The following KMT2B variants were observed in gnomAD, a reference collection of about 807,000 sequenced individuals.
The protein encoded by KMT2B is histone-lysine N-methyltransferase 2B.
Under a neutral mutation model 255.3 loss-of-function variants are expected in KMT2B, and 22 were observed. The observed-to-expected ratio is 0.09, with a 90% CI of 0.06 to 0.12. KMT2B has a LOEUF of 0.12. Among genes scored for constraint, KMT2B ranks in the 10% least tolerant of loss-of-function variants. The pLI is 1.00. For synonymous variants in KMT2B, 1,730 were observed against 1,498.1 expected, an observed-to-expected ratio of 1.15 and a Z score of -3.57; for missense variants, 3,149 against 3,737.0, an observed-to-expected ratio of 0.84 and a Z score of 4.10.
chr19:35,724,620 C>G lies in KMT2B; in HGVS notation c.3335-17C>G. 1 of 1,575,542 alleles carries G rather than the reference C, an allele frequency of 6.3e-7. No individual in the cohort carries two copies. Among genetic ancestry groups the G allele is most frequent in the African/African-American group, 1.4e-5 (1 of 73,952 alleles). On this transcript the variant is annotated splice_polypyrimidine_tract_variant and intron_variant, in intron 8 of 36. Coordinates refer to ENST00000420124, the MANE Select transcript of KMT2B (RefSeq NM_014727.3). ...GTGGAAGGGGAGTGACCTCACTGCTCATTGTGTCCTGCCTAGAGCTGCCAC... is the reference window on the plus strand; with the variant it reads ...GTGGAAGGGGAGTGACCTCACTGCTGATTGTGTCCTGCCTAGAGCTGCCAC...
In KMT2B at chr19:35,721,821, G is replaced by T; in HGVS notation, c.2457+17G>T. 6.5e-7 allele frequency: 1 copy of T among 1,545,664 alleles called. No homozygotes were observed. Among genetic ancestry groups the T allele is most frequent in the Non-Finnish European group, 8.7e-7 (1 of 1,146,864 alleles). On this transcript the variant is annotated intron_variant, in intron 3 of 36. Transcript: ENST00000420124. Reference sequence around the variant, plus strand: ...TCCATGCCGGTGAGTGTGGTCCCTGGGCCCAGCGGCACACCCAGCCATCCA... The same window carrying T: ...TCCATGCCGGTGAGTGTGGTCCCTGTGCCCAGCGGCACACCCAGCCATCCA...
Position 35,720,601 on chromosome 19 carries a change from A to G in KMT2B, c.1254A>G (p.Pro418=). 2.7e-6 allele frequency: 1 copy of G among 372,074 alleles called. No individual in the cohort carries two copies. 23.0% of individuals were successfully genotyped at this position (372,074 alleles called of 1,614,324 possible). A position where few individuals can be genotyped will look rare whatever the true frequency, so the allele number is the denominator to read the frequency against. The change falls in exon 3 of 37, where the codon CCA becomes CCG. Residue 418 remains proline, a synonymous_variant. Coordinates refer to ENST00000420124, the MANE Select transcript of KMT2B (RefSeq NM_014727.3). ...PPAPSPPPPL[P]PPSTSPPPPL... ...CCCCTTCACCTCCTCCACCCCTCCC[A>G]CCCCCTTCGACATCTCCTCCACCCC... is the stretch of plus-strand genomic sequence containing the variant.
intron 14 of KMT2B, among the ~76,000 whole-genome samples, chr19:35,726,563 G>T (rs1264669979): frequency 6.6e-6 from 1 of 152,132 alleles, no homozygotes; most frequent in Admixed American, 6.5e-5. Flanking sequence ...GGAGTGGAAG[G>T]CCTGGGACCC....
intron 30 of KMT2B, chr19:35,735,878 G>T (rs969888394): frequency 6.6e-6 from 1 of 152,140 alleles, no homozygotes; most frequent in South Asian, 2.1e-4. Context: ...AGCATATCCC[G>T]TCTGCCCTGT....
rs1969166434 is a variant in KMT2B, at chr19:35,720,863, C to T, written c.1516C>T (p.Pro506Ser). 3.8e-6 allele frequency: 6 copies of T among 1,585,198 alleles called. No homozygotes were observed. The highest frequency in any genetic ancestry group is 4.3e-6 in the Non-Finnish European group (5 of 1,166,138). Residue 506 changes from proline to serine, a missense_variant, in exon 3 of 37, where the codon CCT becomes TCT. By Grantham distance (74) the Pro-to-Ser change is moderately conservative. Transcript: ENST00000420124. Reference sequence around the variant, plus strand: ...AACCCCCAGCACCGCCACGGGAGGCCCTCCGGAAGACAGTCCCACCGTGGC... The same window carrying T: ...AACCCCCAGCACCGCCACGGGAGGCTCTCCGGAAGACAGTCCCACCGTGGC... ...TPTPSTATGG[P>S]PEDSPTVAPK...
rs1302383085 is a variant in KMT2B at position 35,724,587 on chromosome 19, A to G, written c.3335-50A>G. On this transcript the variant is annotated intron_variant, in intron 8 of 36. Coordinates refer to ENST00000420124, the MANE Select transcript of KMT2B (RefSeq NM_014727.3). The stretch of plus-strand genomic sequence containing the variant: ...AGGTAACATTTGGGGTTGTAGAAGA[A>G]GAGGGGCGTGGAAGGGGAGTGACCT... 2.1e-6 allele frequency: 3 copies of G among 1,442,526 alleles called. No individual in the cohort carries two copies. In the Admixed American group the frequency reaches 5.9e-5, roughly 28 times the overall value. The allele number at this position is 1,442,526 out of a possible 1,614,324, so 89.4% of individuals were successfully genotyped here. A position where few individuals can be genotyped will look rare whatever the true frequency, so the allele number is the denominator to read the frequency against.
Position 35,718,048 on chromosome 19 carries a change from C to T in KMT2B, c.30C>T (p.Cys10=), listed in dbSNP as rs1330796546. The stretch of plus-strand genomic sequence containing the variant: ...CGGCGGCGGCGGGCGGCGGCAGTTG[C>T]CCCGGGCCTGGCTCCGCGCGGGGCC... MAAAAGGGS[C]PGPGSARGRF... is the part of the protein sequence containing the mutation. Residue 10 remains cysteine, a synonymous_variant, in exon 1 of 37, where the codon TGC becomes TGT. Transcript: ENST00000420124. The surrounding 1 kb of genome is among the most constrained non-coding windows in gnomAD (Gnocchi z 5.0). 4.1e-6 allele frequency: 4 copies of T among 986,182 alleles called. No homozygotes were observed. The highest frequency in any genetic ancestry group is 6.3e-5 in the Admixed American group (1 of 15,968). The allele number at this position is 986,182 out of a possible 1,614,324, so 61.1% of individuals were successfully genotyped here.
At chr19:35,734,751 T>C (rs763649127) in intron 30 of KMT2B, among the ~76,000 whole-genome samples, 50 of 152,046 alleles carry the variant, frequency 3.3e-4, no homozygotes, top group Non-Finnish European at 5.9e-4. Context: ...GGGCAGTGGC[T>C]GGGGGAGTGG....
At chr19:35,735,391 G>A (rs1452701917) in intron 30 of KMT2B, 3 of 152,354 alleles carry the variant, frequency 2.0e-5, no homozygotes, top group Non-Finnish European at 2.9e-5. Flanking sequence ...TTGGTGCAGC[G>A]GATCCCTCCC....
Position 35,732,396 on chromosome 19 carries a change from A to G in KMT2B, c.5847A>G (p.Thr1949=). The G allele has an allele frequency of 6.2e-7, 1 of 1,613,248 alleles. No individual in the cohort carries two copies. Residue 1949 remains threonine, a synonymous_variant, in exon 28 of 37, where the codon ACA becomes ACG. Transcript: ENST00000420124. ...TGCCCCCTCCTACCTCAGTCGTCACAGCCCTCACACCTACCTCAGGGGAGC... is the reference window on the plus strand; with the variant it reads ...TGCCCCCTCCTACCTCAGTCGTCACGGCCCTCACACCTACCTCAGGGGAGC... The part of the protein sequence containing the change: ...LRVPPPTSVV[T]ALTPTSGELA...
chr19:35,735,921 T>C (rs1969896115), intron 30 of KMT2B: 1 of 152,242 alleles, frequency 6.6e-6, no homozygotes, highest in African/African-American at 2.4e-5. Flanking sequence ...ATCCCCTAAA[T>C]AGCTCATAAC....
intron 9 of KMT2B, 78 bp from the exon 10 acceptor site, chr19:35,724,911 G>A (rs1969373521): frequency 8.9e-6 from 11 of 1,232,890 alleles, no homozygotes; most frequent in South Asian, 3.7e-5. Context: ...CCAGTAGGCT[G>A]GGGGAAAGGC....
Position 35,730,879 on chromosome 19 carries a change from G to T in KMT2B, c.5437+12G>T. ...CGCCCCTTCCTCAGGTGTGGCTTTG[G>T]CTCTGTCTTCTTCCTGAATACCGCT... On this transcript the variant is annotated intron_variant, in intron 26 of 36. Transcript: ENST00000420124. 6.3e-7 allele frequency: 1 copy of T among 1,586,522 alleles called. No homozygotes were observed.
In KMT2B at chr19:35,723,671, T is replaced by C. The variant is rs1431249402; in HGVS notation, c.3059-61T>C. 3.1e-5 allele frequency: 44 copies of C among 1,435,542 alleles called. No individual in the cohort carries two copies. Among genetic ancestry groups the C allele is most frequent in the Non-Finnish European group, 4.1e-5 (44 of 1,064,660 alleles). The allele number at this position is 1,435,542 out of a possible 1,614,324, so 88.9% of individuals were successfully genotyped here. A position where few individuals can be genotyped will look rare whatever the true frequency, so the allele number is the denominator to read the frequency against. On this transcript the variant is annotated intron_variant, in intron 7 of 36. Transcript: ENST00000420124. This position sits in a 1 kb window ranked among gnomAD's most constrained non-coding sequence, Gnocchi z 7.5. Reference sequence around the variant, plus strand: ...CCCTGCCCCGCTTCTTTCTGGCTTCTCTCCCAGTGTCCCATGTCCCTGGCT... The same window carrying C: ...CCCTGCCCCGCTTCTTTCTGGCTTCCCTCCCAGTGTCCCATGTCCCTGGCT...
Position 35,733,392 on chromosome 19 carries a change from G to C in KMT2B, c.6843G>C (p.Val2281=). ...GCCAGGCCATCCGCGTCAAGAGGGT[G>C]TCCACTTTCTCCGGCCGGTCCCCGC... ...PPRQAIRVKR[V]STFSGRSPPA... The change falls in exon 28 of 37, where the codon GTG becomes GTC. Residue 2281 remains valine (V), a synonymous_variant. Coordinates refer to ENST00000420124, the MANE Select transcript of KMT2B (RefSeq NM_014727.3). This position sits in a 1 kb window ranked among gnomAD's most constrained non-coding sequence, Gnocchi z 4.3. 6.5e-7 allele frequency: 1 copy of C among 1,550,222 alleles called. No homozygotes were observed. Among genetic ancestry groups the C allele is most frequent in the East Asian group, 2.4e-5 (1 of 40,890 alleles).
In KMT2B at chr19:35,733,302, T is replaced by TGG; in HGVS notation, c.6754_6755insGG (p.Ala2252GlyfsTer10). On this transcript the variant is annotated frameshift_variant, in exon 28 of 37. Coordinates refer to ENST00000420124, the MANE Select transcript of KMT2B (RefSeq NM_014727.3). LOFTEE classifies it high-confidence loss of function. The surrounding 1 kb of genome is among the most constrained non-coding windows in gnomAD (Gnocchi z 4.3). ...TGCCCGTGGTCGGAGTGGTCCGCCC[T>TGG]GCCCCGCCCCCGCCACCCCCTCCCC... The TGG allele has an allele frequency of 8.8e-6, 8 of 907,942 alleles. No individual in the cohort carries two copies. Among genetic ancestry groups the TGG allele is most frequent in the Non-Finnish European group, 1.3e-5 (8 of 613,610 alleles). The allele number at this position is 907,942 out of a possible 1,614,324, so 56.2% of individuals were successfully genotyped here. A position where few individuals can be genotyped will look rare whatever the true frequency, so the allele number is the denominator to read the frequency against.
At position 35,732,693 on chromosome 19, in the gene KMT2B, C is replaced by T. The variant is rs779191875; in HGVS notation, c.6144C>T (p.Ala2048=). 5 of 1,608,872 alleles carry T rather than the reference C, an allele frequency of 3.1e-6. No homozygotes were observed. The highest frequency in any genetic ancestry group is 1.1e-5 in the South Asian group (1 of 90,250). The change falls in exon 28 of 37, where the codon GCC becomes GCT. Residue 2048 remains alanine, a synonymous_variant. Transcript: ENST00000420124. The part of the protein sequence containing the change: ...PVTVVSAPGL[A]PSATPGAPRI... ...CTGTGGTGTCCGCCCCTGGTCTGGC[C>T]CCCAGCGCTACCCCTGGAGCCCCCC...
chr19:35,722,389 G>T lies in KMT2B; in HGVS notation c.2488G>T (p.Ala830Ser). The change falls in exon 4 of 37, where the codon GCC becomes TCC. Residue 830 changes from alanine (A) to serine (S), a missense_variant. Around this residue, in one of 18 missense-constraint regions of KMT2B, gnomAD observed 1,188 missense variants for 1,106.4 expected, o/e 1.07. Transcript: ENST00000420124. The part of the protein sequence containing the change: ...LSPGGQMEEV[A>S]GAVKQISDRG... ...CCCTGGAGGGCAGATGGAGGAGGTGGCCGGGGCTGTCAAGCAGATCTCCGA... is the reference window on the plus strand; with the variant it reads ...CCCTGGAGGGCAGATGGAGGAGGTGTCCGGGGCTGTCAAGCAGATCTCCGA... The T allele has an allele frequency of 3.1e-6, 5 of 1,610,784 alleles. No individual in the cohort carries two copies. The highest frequency in any genetic ancestry group is 3.4e-6 in the Non-Finnish European group (4 of 1,179,764).
chr19:35,719,401 C>A, intron 1 of KMT2B, 68 bp from the exon 2 acceptor site: 1 of 1,149,518 alleles, frequency 8.7e-7, no homozygotes, highest in Non-Finnish European at 1.3e-6. Context: ...TTCCTCGATA[C>A]CTCAGATGGA....
Sources: gnomAD v4.1 joint callset for allele counts (sites outside exome capture counted in the v4.1 genomes callset) on GRCh38, gnomAD v4.1.1 for gene constraint, gnomAD v4.1.1 regional missense constraint, Gnocchi (gnomAD v3.1) non-coding constraint, MANE v1.5 for transcripts, NCBI Gene and HGNC (gene_info 2026-07-23, HGNC 2026-07-21) for gene names.